FRG2C: variants seen among roughly 807,000 people sequenced by gnomAD.
The protein encoded by FRG2C is protein FRG2-like-2.
A neutral mutation model predicts 14.1 loss-of-function variants in FRG2C; 8 were observed. The ratio of observed to expected loss-of-function variants is 0.57; its 90% CI spans 0.33 to 1.02. The LOEUF (loss-of-function observed/expected upper bound fraction) is 1.02. Among genes scored for constraint, FRG2C ranks in the 50% least tolerant of loss-of-function variants. The pLI is 0.03. For missense variants in FRG2C, 214 were observed against 334.2 expected, an observed-to-expected ratio of 0.64 and a Z score of 2.80; for synonymous variants, 92 against 127.4, an observed-to-expected ratio of 0.72 and a Z score of 1.87.
chr3:75,664,608 G>A (rs1365515947), intron 1 of FRG2C, 51 bp downstream of exon 1: 213 of 1,870 alleles, frequency 0.11, no homozygotes, highest in Admixed American at 0.34. Context: ...TTGGAATCAG[G>A]GATACTGAGC....
At position 75,664,881 on chromosome 3, in the gene FRG2C, A is replaced by G; in HGVS notation, c.241A>G (p.Ser81Gly). Residue 81 changes from serine to glycine, a missense_variant, in exon 2 of 4, where the codon AGC becomes GGC. Ser to Gly is a moderately conservative substitution (Grantham distance 56). This residue lies in a region of FRG2C where 136 missense variants were observed against 148.1 expected (regional missense o/e 0.92). Coordinates refer to ENST00000308062, the MANE Select transcript of FRG2C (RefSeq NM_001124759.5). ...SEETKLKAGNSTAGSEPESSS... is the reference protein window; with the variant it reads ...SEETKLKAGNGTAGSEPESSS... ...GGAAACCAAGCTCAAGGCCGGGAAC[A>G]GCACTGCTGGATCAGGTAAGATTTG... is the stretch of plus-strand genomic sequence containing the variant. The G allele has an allele frequency of 6.2e-7, 1 of 1,614,300 alleles. No homozygotes were observed. The highest frequency in any genetic ancestry group is 1.1e-5 in the South Asian group (1 of 91,092).
rs1265995926 is a variant in FRG2C, at chr3:75,664,414, G to C, written c.35G>C (p.Cys12Ser). Reference protein sequence around the residue: ...GKGNEDPDLHCSSIQCSTDQP... With the variant: ...GKGNEDPDLHSSSIQCSTDQP... ...GGAAATGAAGACCCCGATCTCCACT[G>C]TTCCTCCATCCAGTGCTCCACTGAC... The change falls in exon 1 of 4, where the codon TGT (cysteine) becomes TCT (serine). Residue 12 changes from cysteine (C) to serine (S), a missense_variant. Transcript: ENST00000308062. The C allele has an allele frequency of 3.7e-6, 6 of 1,612,008 alleles. No individual in the cohort carries two copies. In the African/African-American group the frequency reaches 8.0e-5, roughly 22 times the overall value.
intron 3 of FRG2C, among the ~76,000 whole-genome samples, 159 bp downstream of exon 3, chr3:75,665,362 A>G (rs1424782401): frequency 6.6e-6 from 1 of 152,304 alleles, no homozygotes; most frequent in Non-Finnish European, 1.5e-5. Context: ...CACTCTGAGA[A>G]TATTTGGGGA....
rs1452119926 is a variant in FRG2C at position 75,665,419 on chromosome 3, G to C, written c.335-108G>C. ...CTTCATTCCAGTCCTGAGATGGTCA[G>C]GAAGGAGTGGGAGAGACAAATGGGG... On this transcript the variant is annotated intron_variant, in intron 3 of 3. Coordinates refer to ENST00000308062, the MANE Select transcript of FRG2C (RefSeq NM_001124759.5). 5.3e-6 allele frequency: 8 copies of C among 1,522,886 alleles called. No individual in the cohort carries two copies. In the South Asian group the frequency reaches 1.1e-4, roughly 20 times the overall value. 94.3% of individuals were successfully genotyped at this position (1,522,886 alleles called of 1,614,324 possible). A position where few individuals can be genotyped will look rare whatever the true frequency, so the allele number is the denominator to read the frequency against.
chr3:75,664,599 T>C, intron 1 of FRG2C, 42 bp downstream of exon 1: 1 of 1,614,166 alleles, frequency 6.2e-7, no homozygotes, highest in Non-Finnish European at 8.5e-7. Context: ...GAAGGAGGGT[T>C]GGAATCAGGG....
In FRG2C at chr3:75,664,596, G is replaced by T. The variant is rs1304441199; in HGVS notation, c.178+39G>T. On this transcript the variant is annotated intron_variant, in intron 1 of 3. Transcript: ENST00000308062. ...CTGCTCCTATGGAGGCTGGAAGGAGGGTTGGAATCAGGGATACTGAGCTAT... is the reference window on the plus strand; with the variant it reads ...CTGCTCCTATGGAGGCTGGAAGGAGTGTTGGAATCAGGGATACTGAGCTAT... 4.1e-4 allele frequency: 658 copies of T among 1,613,566 alleles called. No individual in the cohort carries two copies. In the Middle Eastern group the frequency reaches 0.014, roughly 33 times the overall value.
chr3:75,665,020 G>A lies in FRG2C; in HGVS notation c.257-106G>A, dbSNP rs1244333908. On this transcript the variant is annotated intron_variant, in intron 2 of 3. Transcript: ENST00000308062. ...ATCCTGGACACTGGAGAACAGAAGA[G>A]AGCTGGGGTTTGGCGGTAACCTCAG... The A allele has an allele frequency of 1.9e-5, 30 of 1,589,694 alleles. No homozygotes were observed. The African/African-American group carries it at 3.1e-4, about 16-fold the overall frequency.
At chr3:75,665,340 T>G in intron 3 of FRG2C, 137 bp downstream of exon 3, 1 of 1,429,850 alleles carries the variant, frequency 7.0e-7, no homozygotes, top group Non-Finnish European at 9.7e-7. Context: ...AAGTAAATTT[T>G]TGAGATCCTA....
rs73840344 is a variant in FRG2C at position 75,667,156 on chromosome 3, G to A, written c.*1115G>A. On this transcript the variant is annotated 3_prime_UTR_variant, in exon 4 of 4. Transcript: ENST00000308062. Reference sequence around the variant, plus strand: ...ATGTAATAATGAAATAAACATTAATGTTGTTTGGAATTTTAAATTTCTTTC... The same window carrying A: ...ATGTAATAATGAAATAAACATTAATATTGTTTGGAATTTTAAATTTCTTTC... The A allele has an allele frequency of 6.6e-6, 1 of 152,420 alleles. No homozygotes were observed. Among genetic ancestry groups the A allele is most frequent in the East Asian group, 1.9e-4 (1 of 5,190 alleles). 9.4% of individuals were successfully genotyped at this position (152,420 alleles called of 1,614,324 possible).
rs1226456725 is a variant in FRG2C at position 75,666,333 on chromosome 3, A to G, written c.*292A>G. 2 of 559,706 alleles carry G rather than the reference A, an allele frequency of 3.6e-6. No individual in the cohort carries two copies. Among genetic ancestry groups the G allele is most frequent in the South Asian group, 2.5e-5 (1 of 39,340 alleles). 34.7% of individuals were successfully genotyped at this position (559,706 alleles called of 1,614,324 possible). A position where few individuals can be genotyped will look rare whatever the true frequency, so the allele number is the denominator to read the frequency against. ...TATAATCAGAAAAATATTAGGTTGC[A>G]ATCGTGAATTTTCATATTTTAGATT... On this transcript the variant is annotated 3_prime_UTR_variant, in exon 4 of 4. Coordinates refer to ENST00000308062, the MANE Select transcript of FRG2C (RefSeq NM_001124759.5).
rs1937048744 is a variant in FRG2C, at chr3:75,665,055, G to T, written c.257-71G>T. On this transcript the variant is annotated intron_variant, in intron 2 of 3. Transcript: ENST00000308062. Reference sequence around the variant, plus strand: ...TTGGCGGTAACCTCAGCTCCTGTGTGTCCAGGATGGACTAGGAATTTCAGG... The same window carrying T: ...TTGGCGGTAACCTCAGCTCCTGTGTTTCCAGGATGGACTAGGAATTTCAGG... The T allele has an allele frequency of 8.2e-6, 13 of 1,590,894 alleles. No individual in the cohort carries two copies. The South Asian group carries it at 1.3e-4, about 16-fold the overall frequency.
At position 75,665,716 on chromosome 3, in the gene FRG2C, G is replaced by C. The variant is rs1245748758; in HGVS notation, c.524G>C (p.Ser175Thr). The change falls in exon 4 of 4, where the codon AGC becomes ACC. Residue 175 changes from serine (S) to threonine (T), a missense_variant. Physicochemically the swap from Ser to Thr is moderately conservative, Grantham distance 58. Transcript: ENST00000308062. The part of the protein sequence containing the change: ...LEVQTPSLRK[S>T]LVTSVRAMSE... ...GTCCAAACACCGTCACTTCGAAAAA[G>C]CTTGGTGACCTCTGTGCGAGCTATG... 2 of 1,614,070 alleles carry C rather than the reference G, an allele frequency of 1.2e-6. No individual in the cohort carries two copies. Among genetic ancestry groups the C allele is most frequent in the Non-Finnish European group, 1.7e-6 (2 of 1,179,880 alleles).
intron 1 of FRG2C, 77 bp downstream of exon 1, chr3:75,664,634 G>C: frequency 1.9e-6 from 3 of 1,613,798 alleles, no homozygotes; most frequent in Non-Finnish European, 2.5e-6. Context: ...GTCTTTAGCA[G>C]GGTTTTATTT....
Position 75,666,124 on chromosome 3 carries a change from A to C in FRG2C, c.*83A>C. The C allele has an allele frequency of 3.8e-6, 6 of 1,598,328 alleles. No individual in the cohort carries two copies. Among genetic ancestry groups the C allele is most frequent in the Non-Finnish European group, 4.3e-6 (5 of 1,174,348 alleles). ...ATTCTTCCAGACGACCAGCAGTGAC[A>C]ATTTTAGATGCACTGTGTTAATAAA... is the stretch of plus-strand genomic sequence containing the variant. On this transcript the variant is annotated 3_prime_UTR_variant, in exon 4 of 4. Coordinates refer to ENST00000308062, the MANE Select transcript of FRG2C (RefSeq NM_001124759.5).
intron 3 of FRG2C, 122 bp from the exon 4 acceptor site, chr3:75,665,405 T>C (rs1287456027): frequency 1.5e-4 from 225 of 1,497,952 alleles, no homozygotes; most frequent in Non-Finnish European, 1.7e-4. Flanking sequence ...TTCATTCCAG[T>C]CCTGAGATGG....
In FRG2C at chr3:75,667,127, T is replaced by C. The variant is rs921023334; in HGVS notation, c.*1086T>C. On this transcript the variant is annotated 3_prime_UTR_variant, in exon 4 of 4. Coordinates refer to ENST00000308062, the MANE Select transcript of FRG2C (RefSeq NM_001124759.5). ...TTGTTTGGTTGCTTTATAATTTTCA[T>C]TTTATGTAATAATGAAATAAACATT... 1 of 152,284 alleles carries C rather than the reference T, an allele frequency of 6.6e-6. No individual in the cohort carries two copies. The highest frequency in any genetic ancestry group is 1.5e-5 in the Non-Finnish European group (1 of 68,036). 9.4% of individuals were successfully genotyped at this position (152,284 alleles called of 1,614,324 possible). A position where few individuals can be genotyped will look rare whatever the true frequency, so the allele number is the denominator to read the frequency against.
Position 75,665,820 on chromosome 3 carries a change from C to G in FRG2C, c.628C>G (p.Leu210Val). 1.3e-6 allele frequency: 2 copies of G among 1,585,342 alleles called. No individual in the cohort carries two copies. The highest frequency in any genetic ancestry group is 1.7e-6 in the Non-Finnish European group (2 of 1,163,782). ...HSPLTCEQLTLLTRLRGPLCA... is the reference protein window; with the variant it reads ...HSPLTCEQLTVLTRLRGPLCA... Reference sequence around the variant, plus strand: ...TCCACTGACCTGTGAGCAGCTGACACTGCTCACTCGGCTCCGGGGGCCTCT... The same window carrying G: ...TCCACTGACCTGTGAGCAGCTGACAGTGCTCACTCGGCTCCGGGGGCCTCT... Residue 210 changes from leucine to valine, a missense_variant, in exon 4 of 4, where the codon CTG becomes GTG. Physicochemically the swap from Leu to Val is conservative, Grantham distance 32. Coordinates refer to ENST00000308062, the MANE Select transcript of FRG2C (RefSeq NM_001124759.5).
rs201191365 is a variant in FRG2C, at chr3:75,665,655, G to A, written c.463G>A (p.Gly155Arg). 1 of 1,614,064 alleles carries A rather than the reference G, an allele frequency of 6.2e-7. No individual in the cohort carries two copies. The highest frequency in any genetic ancestry group is 1.1e-5 in the South Asian group (1 of 91,082). The change falls in exon 4 of 4, where the codon GGG becomes AGG. Residue 155 changes from glycine (G) to arginine (R), a missense_variant. Physicochemically the swap from Gly to Arg is moderately radical, Grantham distance 125. Around this residue, in one of 3 missense-constraint regions of FRG2C, gnomAD observed 136 missense variants for 148.1 expected, o/e 0.92. Coordinates refer to ENST00000308062, the MANE Select transcript of FRG2C (RefSeq NM_001124759.5). The stretch of plus-strand genomic sequence containing the variant: ...TAGGGGAAGTTCCAGGGCTTGCACT[G>A]GGCGCAGCAAGCGGCATAGGTCTCG... ...HHRGSSRACT[G>R]RSKRHRSRAL... is the part of the protein sequence containing the mutation.
rs1328784570 is a variant in FRG2C at position 75,664,559 on chromosome 3, T to G, written c.178+2T>G. Reference sequence around the variant, plus strand: ...GTGAGAAGCACACACAAAGGCAAGGTAAGGCCTTGGGCTGCTCCTATGGAG... The same window carrying G: ...GTGAGAAGCACACACAAAGGCAAGGGAAGGCCTTGGGCTGCTCCTATGGAG... On this transcript the variant is annotated splice_donor_variant, in intron 1 of 3. Transcript: ENST00000308062. LOFTEE classifies it high-confidence loss of function. 85 of 1,613,948 alleles carry G rather than the reference T, an allele frequency of 5.3e-5. No individual in the cohort carries two copies. The African/African-American group carries it at 8.4e-4, about 16-fold the overall frequency.
Sources: allele counts gnomAD v4.1 joint callset (sites outside exome capture counted in the v4.1 genomes callset), GRCh38; gene constraint gnomAD v4.1.1; regional missense constraint gnomAD v4.1.1; transcripts MANE v1.5; gene names NCBI Gene and HGNC (gene_info 2026-07-23, HGNC 2026-07-21).